Variants in UST observed in about 807,000 individuals in gnomAD.
UST encodes chondroitin sulfate 2-O-sulfotransferase.
Under a neutral mutation model 45.6 loss-of-function variants are expected in UST, and 21 were observed. That is an observed-to-expected ratio of 0.46 (90% confidence interval 0.33 to 0.66). The LOEUF (loss-of-function observed/expected upper bound fraction) is 0.66. UST is among the 30% of genes least tolerant of loss of function. UST has a pLI of 0.02. For missense variants in UST, 463 were observed against 512.4 expected (o/e 0.90, Z 0.93); for synonymous variants, 215 against 200.6 (o/e 1.07, Z -0.61).
intron 3 of UST, 81 bp from the exon 4 acceptor site, chr6:148,953,791 A>AAT: frequency 1.4e-6 from 1 of 717,274 alleles, no homozygotes; most frequent in Non-Finnish European, 2.1e-6. Context: ...AAAAAAAAAA[A>AAT]GAGTGGGATA....
intron 7 of UST, among the ~76,000 whole-genome samples, chr6:149,044,549 G>A (rs1318786583): frequency 1.3e-5 from 2 of 152,200 alleles, no homozygotes; most frequent in East Asian, 3.8e-4. Context: ...TGAGGGGGAT[G>A]ACGGTCGGTG....
chr6:148,972,567 C>T (rs1457725392), intron 5 of UST, among the ~76,000 whole-genome samples: 8 of 152,222 alleles, frequency 5.3e-5, no homozygotes, highest in Admixed American at 5.2e-4. Context: ...GACCTGCTGT[C>T]TCCATGCAAG....
At chr6:148,850,204 G>A (rs1262068861) in intron 1 of UST, among the ~76,000 whole-genome samples, 1 of 152,160 alleles carries the variant, frequency 6.6e-6, no homozygotes, top group Non-Finnish European at 1.5e-5. Context: ...TGTATGGAGA[G>A]GCACATGAGA....
At chr6:148,768,788 T>C (rs557450432) in intron 1 of UST, among the ~76,000 whole-genome samples, 42 of 152,370 alleles carry the variant, frequency 2.8e-4, no homozygotes, top group African/African-American at 9.4e-4. Flanking sequence ...GTTTGTTGTT[T>C]GATCCTAAAT....
At chr6:148,907,700 C>G (rs568363066) in intron 2 of UST, among the ~76,000 whole-genome samples, 174 of 152,196 alleles carry the variant, frequency 1.1e-3, no homozygotes, top group Admixed American at 1.5e-3. Context: ...GTGTAAAAAT[C>G]CCCGATGCAG....
At chr6:149,039,098 TTTCTCCTGTAGACTTTCCTGTG>T (rs958043564) in intron 7 of UST, among the ~76,000 whole-genome samples, 25 of 152,286 alleles carry the variant, frequency 1.6e-4, no homozygotes, top group Middle Eastern at 3.4e-3. Flanking sequence ...ATGGTTTTAG[TTTCTCCTGTAGACTTTCCTGTG>T]TTCTCTGCCT....
At chr6:148,875,610 C>T (rs141878076) in intron 1 of UST, among the ~76,000 whole-genome samples, 1,637 of 152,288 alleles carry the variant, frequency 0.011, 30 homozygotes, top group African/African-American at 0.037. Context: ...TCAAGACCAG[C>T]CTGGCCAACA....
intron 1 of UST, among the ~76,000 whole-genome samples, chr6:148,758,876 C>T (rs186598415): frequency 3.6e-4 from 55 of 152,328 alleles, no homozygotes; most frequent in Middle Eastern, 3.4e-3. Flanking sequence ...CTTAAAAACC[C>T]TGACCTTGTC....
At chr6:148,880,561 T>G (rs9403995) in intron 1 of UST, among the ~76,000 whole-genome samples, 11,007 of 152,268 alleles carry the variant, frequency 0.072, 708 homozygotes, top group African/African-American at 0.18. Flanking sequence ...CTAACTCCTG[T>G]GTACTTGGAT....
Position 148,966,655 on chromosome 6 carries a change from C to G in UST, c.681+2092C>G, listed in dbSNP as rs374361830. Among the ~76,000 whole-genome samples, 12 of 152,356 alleles carry G rather than the reference C, an allele frequency of 7.9e-5. 3 individuals carry two copies. Among genetic ancestry groups the G allele is most frequent in the East Asian group, 3.9e-4 (2 of 5,192 alleles). Reference sequence around the variant, plus strand: ...ATATAATGCAGTTTTCACACACTCACACAAATAATAAGCTGCAATCATTAG... The same window carrying G: ...ATATAATGCAGTTTTCACACACTCAGACAAATAATAAGCTGCAATCATTAG... On this transcript the variant is annotated intron_variant, in intron 5 of 7. Coordinates refer to ENST00000367463, the MANE Select transcript of UST (RefSeq NM_005715.3).
At chr6:148,771,716 T>C (rs1776430875) in intron 1 of UST, among the ~76,000 whole-genome samples, 1 of 152,200 alleles carries the variant, frequency 6.6e-6, no homozygotes, top group African/African-American at 2.4e-5. Flanking sequence ...CTGTCTGAAC[T>C]TACACATGGT....
intron 1 of UST, among the ~76,000 whole-genome samples, chr6:148,791,825 A>G (rs1165299635): frequency 1.3e-5 from 2 of 152,172 alleles, no homozygotes; most frequent in Non-Finnish European, 2.9e-5. Flanking sequence ...TATGCATTAC[A>G]TGGGAACTCA....
rs760583610 is a variant in UST at position 148,747,640 on chromosome 6, A to G, written c.210A>G (p.Gly70=). 6 of 1,597,250 alleles carry G rather than the reference A, an allele frequency of 3.8e-6. No individual in the cohort carries two copies. The South Asian group carries it at 6.8e-5, about 18-fold the overall frequency. Reference sequence around the variant, plus strand: ...CCCTCCTCTATCAGCTCAGCGGGGGACCCCCTCGCTTCCTGCTCGACCTGC... The same window carrying G: ...CCCTCCTCTATCAGCTCAGCGGGGGGCCCCCTCGCTTCCTGCTCGACCTGC... The part of the protein sequence containing the change: ...LGSLLYQLSG[G]PPRFLLDLRQ... Residue 70 remains glycine (G), a synonymous_variant, in exon 1 of 8, where the codon GGA becomes GGG. Coordinates refer to ENST00000367463, the MANE Select transcript of UST (RefSeq NM_005715.3).
intron 1 of UST, among the ~76,000 whole-genome samples, chr6:148,812,723 A>C (rs1582827469): frequency 6.6e-6 from 1 of 152,222 alleles, no homozygotes; most frequent in Admixed American, 6.5e-5. Flanking sequence ...AGAGCCCTCA[A>C]ATGCAAGTCA....
rs774924756 is a variant in UST at position 149,005,489 on chromosome 6, G to A, written c.682-13650G>A. The A allele has an allele frequency of 7.1e-6, 7 of 985,364 alleles. No individual in the cohort carries two copies. The Admixed American group carries it at 1.8e-4, about 26-fold the overall frequency. 61.0% of individuals were successfully genotyped at this position (985,364 alleles called of 1,614,324 possible). A position where few individuals can be genotyped will look rare whatever the true frequency, so the allele number is the denominator to read the frequency against. The stretch of plus-strand genomic sequence containing the variant: ...CTCTCACCAAATTGACAGTGGGCCC[G>A]AACTTTGCTCATTTAATGAGATAGA... On this transcript the variant is annotated intron_variant, in intron 5 of 7. Transcript: ENST00000367463.
intron 1 of UST, among the ~76,000 whole-genome samples, chr6:148,832,459 G>A (rs1777707639): frequency 6.6e-6 from 1 of 152,112 alleles, no homozygotes; most frequent in South Asian, 2.1e-4. Flanking sequence ...TTAGTATGAA[G>A]CCCTTAGGAT....
intron 7 of UST, among the ~76,000 whole-genome samples, chr6:149,071,583 A>G (rs1776819233): frequency 6.6e-6 from 1 of 152,194 alleles, no homozygotes. Context: ...TTTTAATGTG[A>G]CACCAAAAGT....
At chr6:148,914,391 A>G (rs9399671) in intron 2 of UST, among the ~76,000 whole-genome samples, 56,937 of 129,902 alleles carry the variant, frequency 0.44, 11,899 homozygotes, top group South Asian at 0.62. Flanking sequence ...ATTTTTCCAT[A>G]GATTGGGGGG....
intron 7 of UST, among the ~76,000 whole-genome samples, chr6:149,057,050 T>C (rs1273932002): frequency 1.3e-5 from 2 of 152,204 alleles, no homozygotes; most frequent in Non-Finnish European, 2.9e-5. Context: ...CTGAGGCTGA[T>C]GATTGTGACT....
Sources: allele counts gnomAD v4.1 joint callset (sites outside exome capture counted in the v4.1 genomes callset), GRCh38; gene constraint gnomAD v4.1.1; transcripts MANE v1.5; gene names NCBI Gene and HGNC (gene_info 2026-07-23, HGNC 2026-07-21).